Variants in SCAPER observed in about 807,000 individuals in gnomAD.
The protein encoded by SCAPER is S-phase cyclin A associated protein in the ER.
Under a neutral mutation model 182.2 loss-of-function variants are expected in SCAPER, and 98 were observed. The ratio of observed to expected loss-of-function variants is 0.54; its 90% CI spans 0.46 to 0.64. SCAPER has a LOEUF of 0.64. Among genes scored for constraint, SCAPER ranks in the 30% least tolerant of loss-of-function variants. The probability of loss-of-function intolerance (pLI) is 0.00; values close to 1 mark genes in which losing one functional copy is unlikely to be tolerated. For missense variants in SCAPER, 1,432 were observed against 1,690.0 expected, an observed-to-expected ratio of 0.85 and a Z score of 2.68; for synonymous variants, 605 against 564.6, an observed-to-expected ratio of 1.07 and a Z score of -1.01.
At chr15:76,567,300 T>A (rs1173261466) in intron 23 of SCAPER, 5 of 452,486 alleles carry the variant, frequency 1.1e-5, no homozygotes, top group South Asian at 7.9e-5. Context: ...GTTGATGGAT[T>A]CTTGCACTAT....
At position 76,682,770 on chromosome 15, in the gene SCAPER, C is replaced by T. The variant is rs2057803132; in HGVS notation, c.2509-16981G>A. ...GCTGGATACTAGCCCCCCAGAGTTA[C>T]AGCACACAGCCTAGGAGTACTTAGT... On this transcript the variant is annotated intron_variant, in intron 20 of 31. Coordinates refer to ENST00000563290, the MANE Select transcript of SCAPER (RefSeq NM_020843.4). Among the ~76,000 whole-genome samples, 4 of 152,262 alleles carry T rather than the reference C, an allele frequency of 2.6e-5. No individual in the cohort carries two copies. The South Asian group carries it at 6.2e-4, about 24-fold the overall frequency.
intron 26 of SCAPER, among the ~76,000 whole-genome samples, chr15:76,430,180 T>G (rs1434938684): frequency 1.3e-5 from 2 of 152,216 alleles, no homozygotes; most frequent in Non-Finnish European, 2.9e-5. Context: ...CGGAAATGCC[T>G]GGGTGCCTAG....
chr15:76,423,517 T>C (rs1299344886), intron 26 of SCAPER, among the ~76,000 whole-genome samples: 1 of 152,218 alleles, frequency 6.6e-6, no homozygotes, highest in East Asian at 1.9e-4. Context: ...TCTTTTCTTC[T>C]TTATTAGTCT....
intron 27 of SCAPER, among the ~76,000 whole-genome samples, chr15:76,386,070 C>T (rs1217324664): frequency 6.6e-6 from 1 of 152,212 alleles, no homozygotes; most frequent in Non-Finnish European, 1.5e-5. Flanking sequence ...AATTCCTTGG[C>T]TTATGGCCCC....
intron 20 of SCAPER, among the ~76,000 whole-genome samples, chr15:76,681,300 T>C (rs1377317591): frequency 2.0e-5 from 3 of 152,204 alleles, no homozygotes; most frequent in Non-Finnish European, 4.4e-5. Context: ...TAATTATGCA[T>C]ATTACAATAC....
intron 20 of SCAPER, among the ~76,000 whole-genome samples, chr15:76,695,766 T>C (rs1285865630): frequency 1.3e-5 from 2 of 152,044 alleles, no homozygotes; most frequent in African/African-American, 2.4e-5. Flanking sequence ...AAACTTAGAA[T>C]ATATAAATTA....
intron 20 of SCAPER, among the ~76,000 whole-genome samples, chr15:76,691,974 C>G (rs1315977341): frequency 1.3e-5 from 2 of 152,022 alleles, no homozygotes; most frequent in Non-Finnish European, 2.9e-5. Flanking sequence ...ATTTTAAAAC[C>G]AGAAAGTGAC....
intron 23 of SCAPER, among the ~76,000 whole-genome samples, chr15:76,520,119 T>C (rs1311253209): frequency 6.6e-6 from 1 of 152,246 alleles, no homozygotes; most frequent in African/African-American, 2.4e-5. Flanking sequence ...ACTATATCCA[T>C]GAACAACTGT....
At chr15:76,422,948 C>A (rs1283189980) in intron 26 of SCAPER, among the ~76,000 whole-genome samples, 34 of 148,238 alleles carry the variant, frequency 2.3e-4, no homozygotes, top group Admixed American at 4.7e-4. Context: ...GTTGAACCAG[C>A]CTTGCATCCC....
At chr15:76,459,936 C>T (rs888809356) in intron 25 of SCAPER, among the ~76,000 whole-genome samples, 1 of 152,016 alleles carries the variant, frequency 6.6e-6, no homozygotes, top group Non-Finnish European at 1.5e-5. Context: ...GTGTCCATTC[C>T]CCAGTGTATG....
intron 17 of SCAPER, among the ~76,000 whole-genome samples, chr15:76,720,369 G>A (rs280010): frequency 0.98 from 148,852 of 151,968 alleles, 72,968 homozygotes; most frequent in South Asian, 1. Flanking sequence ...TGCTATTGTG[G>A]ATAGTGCCAC....
chr15:76,842,865 T>C (rs1304976455), intron 4 of SCAPER, among the ~76,000 whole-genome samples: 1 of 152,210 alleles, frequency 6.6e-6, no homozygotes, highest in Non-Finnish European at 1.5e-5. Flanking sequence ...ATTAGACTGT[T>C]GGCTGAGGTT....
At chr15:76,534,125 A>G (rs1473717496) in intron 23 of SCAPER, among the ~76,000 whole-genome samples, 1 of 152,240 alleles carries the variant, frequency 6.6e-6, no homozygotes, top group African/African-American at 2.4e-5. Flanking sequence ...AAATGTAAAC[A>G]CTGGGCTTGA....
intron 23 of SCAPER, among the ~76,000 whole-genome samples, chr15:76,552,518 C>T (rs1449756638): frequency 6.6e-6 from 1 of 152,116 alleles, no homozygotes; most frequent in Non-Finnish European, 1.5e-5. Flanking sequence ...TGGACCCCAA[C>T]TGACTCCTGG....
At chr15:76,745,700 T>A (rs1165557894) in intron 15 of SCAPER, among the ~76,000 whole-genome samples, 4 of 152,210 alleles carry the variant, frequency 2.6e-5, no homozygotes, top group Non-Finnish European at 5.9e-5. Context: ...ATTAGCTTAA[T>A]TTGCTTATAA....
At chr15:76,395,483 C>A (rs1436748301) in intron 27 of SCAPER, among the ~76,000 whole-genome samples, 1 of 152,114 alleles carries the variant, frequency 6.6e-6, no homozygotes, top group Non-Finnish European at 1.5e-5. Context: ...TGAGGGTTCC[C>A]TTTTCTCCAC....
chr15:76,815,183 T>C (rs2066965248), intron 5 of SCAPER, among the ~76,000 whole-genome samples: 1 of 152,178 alleles, frequency 6.6e-6, no homozygotes, highest in Admixed American at 6.5e-5. Context: ...GTATAACCAT[T>C]ATGGAAAACA....
chr15:76,639,418 C>T (rs908142101), intron 21 of SCAPER, among the ~76,000 whole-genome samples: 5 of 152,174 alleles, frequency 3.3e-5, no homozygotes, highest in African/African-American at 1.2e-4. Flanking sequence ...GCAGGGATTG[C>T]CCCTCCAAAG....
rs1239675681 is a variant in SCAPER at position 76,848,325 on chromosome 15, T to G, written c.196-6394A>C. ...TAAAACATTGTGTTTTTTTTGGGGT[T>G]TTTTTTTTTTTTTTTTTTTTTGACA... is the stretch of plus-strand genomic sequence containing the variant. On this transcript the variant is annotated intron_variant, in intron 4 of 31. Transcript: ENST00000563290. Among the ~76,000 whole-genome samples, 210 of 26,530 alleles carry G rather than the reference T, an allele frequency of 7.9e-3. No homozygotes were observed. In the East Asian group the frequency reaches 0.13, roughly 16 times the overall value. 17.4% of individuals were successfully genotyped at this position (26,530 alleles called of 152,430 possible).
Sources: allele counts gnomAD v4.1 joint callset (sites outside exome capture counted in the v4.1 genomes callset), GRCh38; gene constraint gnomAD v4.1.1; transcripts MANE v1.5; gene names NCBI Gene and HGNC (gene_info 2026-07-23, HGNC 2026-07-21).